The following GNG12 variants were observed in gnomAD, a reference collection of about 807,000 sequenced individuals.
GNG12 encodes G protein subunit gamma 12, also known as guanine nucleotide-binding protein G(I)/G(S)/G(O) subunit gamma-12.
For synonymous variants in GNG12, 28 were observed against 29.7 expected, an observed-to-expected ratio of 0.94 and a Z score of 0.19; for missense variants, 69 against 83.8, an observed-to-expected ratio of 0.82 and a Z score of 0.69.
chr1:67,781,694 T>C (rs1408459756), intron 1 of GNG12, among the ~76,000 whole-genome samples: 1 of 152,120 alleles, frequency 6.6e-6, no homozygotes, highest in East Asian at 1.9e-4. Context: ...AGGTGAGATA[T>C]GGTACCTCAG....
rs1329314066 is a variant in GNG12 at position 67,704,369 on chromosome 1, G to A, written c.*1082C>T. On this transcript the variant is annotated 3_prime_UTR_variant, in exon 4 of 4. Coordinates refer to ENST00000370982, the MANE Select transcript of GNG12 (RefSeq NM_018841.6). ...ACCGTATTCCACATACCTGTGGCTG[G>A]GGAAGGTAATGTTACCTCTGCAAAC... The A allele has an allele frequency of 6.6e-6, 1 of 152,100 alleles. No homozygotes were observed. The highest frequency in any genetic ancestry group is 1.9e-4 in the East Asian group (1 of 5,196). 9.4% of individuals were successfully genotyped at this position (152,100 alleles called of 1,614,324 possible).
chr1:67,783,717 G>T (rs1203115012), intron 1 of GNG12, among the ~76,000 whole-genome samples: 1 of 152,166 alleles, frequency 6.6e-6, no homozygotes, highest in Non-Finnish European at 1.5e-5. Flanking sequence ...ATGAAAAAAT[G>T]CTCATCATCA....
chr1:67,788,124 G>C (rs1017384957), intron 1 of GNG12, among the ~76,000 whole-genome samples: 14 of 152,168 alleles, frequency 9.2e-5, no homozygotes, highest in Non-Finnish European at 1.5e-5. Flanking sequence ...GCTTCTCAAA[G>C]GCTCCTATAT....
intron 2 of GNG12, among the ~76,000 whole-genome samples, chr1:67,747,938 A>T (rs937180566): frequency 6.6e-6 from 1 of 152,212 alleles, no homozygotes; most frequent in African/African-American, 2.4e-5. Context: ...CTATTGTGGG[A>T]CTTGAGGCTG....
intron 2 of GNG12, among the ~76,000 whole-genome samples, chr1:67,725,466 C>T (rs1415734977): frequency 6.6e-6 from 1 of 152,072 alleles, no homozygotes; most frequent in Non-Finnish European, 1.5e-5. Context: ...TTTGTGTTGG[C>T]CCTCATGGTT....
intron 1 of GNG12, among the ~76,000 whole-genome samples, chr1:67,779,566 C>G (rs1646725380): frequency 1.3e-5 from 2 of 152,096 alleles, no homozygotes; most frequent in Admixed American, 1.3e-4. Flanking sequence ...CCCAACATGT[C>G]CTTTCCCTAC....
At chr1:67,806,539 G>C (rs1646895433) in intron 1 of GNG12, among the ~76,000 whole-genome samples, 2 of 152,038 alleles carry the variant, frequency 1.3e-5, no homozygotes, top group South Asian at 4.1e-4. Flanking sequence ...AGGGCAGAGG[G>C]GATGGTCCTG....
intron 1 of GNG12, among the ~76,000 whole-genome samples, chr1:67,800,239 A>G (rs1570559741): frequency 6.6e-6 from 1 of 152,214 alleles, no homozygotes; most frequent in African/African-American, 2.4e-5. Context: ...ACATTATACA[A>G]TATTGAAAAT....
chr1:67,803,655 C>G (rs1646879177), intron 1 of GNG12, among the ~76,000 whole-genome samples: 1 of 152,186 alleles, frequency 6.6e-6, no homozygotes, highest in Admixed American at 6.5e-5. Flanking sequence ...TTCACAACAA[C>G]CTTACGAAGT....
intron 2 of GNG12, among the ~76,000 whole-genome samples, chr1:67,769,832 ACTCACT>A (rs923472895): frequency 1.6e-4 from 22 of 141,540 alleles, no homozygotes; most frequent in Middle Eastern, 3.6e-3. Context: ...TCACACTCAC[ACTCACT>A]CTCACTCTCT....
chr1:67,806,531 G>C (rs1380419051), intron 1 of GNG12, among the ~76,000 whole-genome samples: 1 of 152,026 alleles, frequency 6.6e-6, no homozygotes, highest in Non-Finnish European at 1.5e-5. Context: ...TTACATGCAG[G>C]GCAGAGGGGA....
At chr1:67,793,794 C>T (rs1475898242) in intron 1 of GNG12, among the ~76,000 whole-genome samples, 2 of 152,210 alleles carry the variant, frequency 1.3e-5, no homozygotes, top group African/African-American at 4.8e-5. Context: ...TCCTCAAACA[C>T]TGTTTCACAT....
chr1:67,819,946 C>G (rs1646975790), intron 1 of GNG12, among the ~76,000 whole-genome samples: 2 of 152,184 alleles, frequency 1.3e-5, no homozygotes, highest in Admixed American at 1.3e-4. Flanking sequence ...ATCTCTCTGT[C>G]TCAGTCCCCT....
intron 2 of GNG12, among the ~76,000 whole-genome samples, chr1:67,712,692 T>TA (rs559110602): frequency 4.8e-5 from 7 of 146,888 alleles, no homozygotes; most frequent in Non-Finnish European, 6.0e-5. Context: ...GACCCCCATT[T>TA]AAAAAAAAAA....
At chr1:67,797,936 T>C (rs1457596300) in intron 1 of GNG12, among the ~76,000 whole-genome samples, 1 of 152,164 alleles carries the variant, frequency 6.6e-6, no homozygotes, top group East Asian at 1.9e-4. Context: ...CACGGTGGTC[T>C]TGAAACCAGC....
At chr1:67,826,591 C>A (rs1350868954) in intron 1 of GNG12, among the ~76,000 whole-genome samples, 2 of 152,184 alleles carry the variant, frequency 1.3e-5, no homozygotes, top group East Asian at 3.8e-4. Context: ...CAGAAGATTT[C>A]ATTAGTCTAG....
At chr1:67,720,775 T>C (rs1646352326) in intron 2 of GNG12, among the ~76,000 whole-genome samples, 1 of 152,246 alleles carries the variant, frequency 6.6e-6, no homozygotes, top group Non-Finnish European at 1.5e-5. Context: ...GGTCTCCTGG[T>C]ACTCCTGGCT....
intron 1 of GNG12, among the ~76,000 whole-genome samples, chr1:67,784,642 T>A (rs1050979381): frequency 2.0e-5 from 3 of 152,224 alleles, no homozygotes; most frequent in Non-Finnish European, 4.4e-5. Context: ...ATTCGTATAC[T>A]ATGATCCTGA....
At chr1:67,822,013 G>T (rs1273714687) in intron 1 of GNG12, among the ~76,000 whole-genome samples, 2 of 151,686 alleles carry the variant, frequency 1.3e-5, no homozygotes, top group African/African-American at 4.8e-5. Flanking sequence ...CACTGGAAGG[G>T]GAAGAATTGT....
Sources: gnomAD v4.1 joint callset for allele counts (sites outside exome capture counted in the v4.1 genomes callset) on GRCh38, gnomAD v4.1.1 for gene constraint, MANE v1.5 for transcripts, NCBI Gene and HGNC (gene_info 2026-07-23, HGNC 2026-07-21) for gene names.